CREB5: variants seen among roughly 807,000 people sequenced by gnomAD.
CREB5 encodes cAMP responsive element binding protein 5, also known as cyclic AMP-responsive element-binding protein 5.
Under a neutral mutation model 57.1 loss-of-function variants are expected in CREB5, and 19 were observed. That is an observed-to-expected ratio of 0.33 (90% CI 0.23 to 0.49). The LOEUF (loss-of-function observed/expected upper bound fraction) is 0.49, where lower values mean the gene tolerates loss of function less well. CREB5 is among the 20% of genes least tolerant of loss of function. The probability of loss-of-function intolerance (pLI) is 0.99; values close to 1 mark genes in which losing one functional copy is unlikely to be tolerated. For missense variants in CREB5, 579 were observed against 671.6 expected (o/e 0.86, Z 1.52); for synonymous variants, 238 against 238.3 (o/e 1.00, Z 0.01).
At chr7:28,430,898 A>C (rs902270642) in intron 1 of CREB5, among the ~76,000 whole-genome samples, 1 of 152,156 alleles carries the variant, frequency 6.6e-6, no homozygotes, top group Non-Finnish European at 1.5e-5. Context: ...AGTCACCTCA[A>C]ACCTCAGTGG....
chr7:28,380,466 G>A (rs1379477155), intron 1 of CREB5, among the ~76,000 whole-genome samples: 1 of 152,188 alleles, frequency 6.6e-6, no homozygotes, highest in Non-Finnish European at 1.5e-5. Flanking sequence ...CTAGATTGCT[G>A]CAAAGAAACA....
intron 7 of CREB5, among the ~76,000 whole-genome samples, chr7:28,793,122 C>T (rs749787307): frequency 1.1e-4 from 17 of 152,140 alleles, no homozygotes; most frequent in South Asian, 8.3e-4. Context: ...ACTCCTCCTC[C>T]CTCTGACCAC....
chr7:28,697,233 T>A (rs888093386), intron 5 of CREB5, among the ~76,000 whole-genome samples: 5 of 152,102 alleles, frequency 3.3e-5, no homozygotes, highest in African/African-American at 1.2e-4. Context: ...ATTGGCCCCC[T>A]AATGAAGTGC....
At chr7:28,513,276 G>A (rs142776546) in intron 4 of CREB5, among the ~76,000 whole-genome samples, 4 of 152,150 alleles carry the variant, frequency 2.6e-5, no homozygotes, top group East Asian at 1.9e-4. Flanking sequence ...GCACATTTCC[G>A]GTTATGCTAA....
At chr7:28,783,330 T>C (rs1176763817) in intron 7 of CREB5, among the ~76,000 whole-genome samples, 1 of 152,218 alleles carries the variant, frequency 6.6e-6, no homozygotes, top group Admixed American at 6.5e-5. Context: ...ATCATATTCT[T>C]ATATTAGATT....
intron 5 of CREB5, among the ~76,000 whole-genome samples, chr7:28,717,370 T>C (rs1221969910): frequency 6.6e-6 from 1 of 152,186 alleles, no homozygotes; most frequent in Non-Finnish European, 1.5e-5. Context: ...TTCTATGATG[T>C]GTGTGACTCT....
chr7:28,728,991 TCA>T, intron 7 of CREB5, among the ~76,000 whole-genome samples: 1 of 152,180 alleles, frequency 6.6e-6, no homozygotes, highest in East Asian at 1.9e-4. Flanking sequence ...GAGTTGAGCA[TCA>T]GTACTAAATG....
intron 4 of CREB5, among the ~76,000 whole-genome samples, chr7:28,564,211 C>T (rs1247839087): frequency 1.3e-5 from 2 of 152,208 alleles, no homozygotes. Context: ...TTGCACAACT[C>T]GTAAATGCGA....
rs1017239957 is a variant in CREB5 at position 28,822,710 on chromosome 7, A to G, written c.*3431A>G. On this transcript the variant is annotated 3_prime_UTR_variant, in exon 11 of 11. Coordinates refer to ENST00000357727, the MANE Select transcript of CREB5 (RefSeq NM_182898.4). ...TTCTATCAGGTAAACTGTCACTTAA[A>G]TGGAGGTGTCCACATCTTAATTGTT... 1.3e-5 allele frequency: 2 copies of G among 152,664 alleles called. No homozygotes were observed. Among genetic ancestry groups the G allele is most frequent in the African/African-American group, 4.8e-5 (2 of 41,460 alleles). The allele number at this position is 152,664 out of a possible 1,614,324, so 9.5% of individuals were successfully genotyped here. A position where few individuals can be genotyped will look rare whatever the true frequency, so the allele number is the denominator to read the frequency against.
At chr7:28,660,381 GTTTTTTTTTT>G (rs10696255) in intron 5 of CREB5, among the ~76,000 whole-genome samples, 1 of 119,260 alleles carries the variant, frequency 8.4e-6, no homozygotes, top group Admixed American at 9.0e-5. Flanking sequence ...GCATTCAACA[GTTTTTTTTTT>G]TTTTTTTTTT....
intron 7 of CREB5, among the ~76,000 whole-genome samples, chr7:28,755,649 GA>G (rs1583675319): frequency 6.6e-6 from 1 of 152,062 alleles, no homozygotes; most frequent in African/African-American, 2.4e-5. Context: ...ATAGTAATAA[GA>G]AAAAAACTTA....
intron 1 of CREB5, among the ~76,000 whole-genome samples, chr7:28,359,455 A>G (rs1277315107): frequency 6.6e-6 from 1 of 152,208 alleles, no homozygotes; most frequent in African/African-American, 2.4e-5. Context: ...AGATACCAAG[A>G]ACACACAATG....
chr7:28,576,586 A>G (rs758308793), intron 5 of CREB5, among the ~76,000 whole-genome samples: 1 of 152,188 alleles, frequency 6.6e-6, no homozygotes, highest in African/African-American at 2.4e-5. Flanking sequence ...ACAGTGTCAA[A>G]CACTTCATCC....
At chr7:28,699,351 G>A (rs1801730994) in intron 5 of CREB5, among the ~76,000 whole-genome samples, 1 of 152,090 alleles carries the variant, frequency 6.6e-6, no homozygotes. Flanking sequence ...CCAAGAAAAA[G>A]CTATCTTTAA....
Position 28,364,053 on chromosome 7 carries a change from AG to A in CREB5, c.-25+64613del, listed in dbSNP as rs544006070. On this transcript the variant is annotated intron_variant, in intron 1 of 9. Coordinates refer to the CREB5 transcript ENST00000396299. ...AAGTTTTAGTTAGTTGAAATGGATA[AG>A]TAAACATTTACCTAATTGCTTATTT... Among the ~76,000 whole-genome samples the A allele has an allele frequency of 3.1e-4, 47 of 152,348 alleles. No individual in the cohort carries two copies. In the East Asian group the frequency reaches 8.3e-3, roughly 27 times the overall value.
At chr7:28,775,278 T>C (rs1440429779) in intron 7 of CREB5, among the ~76,000 whole-genome samples, 1 of 152,130 alleles carries the variant, frequency 6.6e-6, no homozygotes, top group South Asian at 2.1e-4. Flanking sequence ...TCAGCTCAGA[T>C]ACCTCCTCCT....
chr7:28,637,818 G>A (rs1400787728), intron 5 of CREB5, among the ~76,000 whole-genome samples: 2 of 152,182 alleles, frequency 1.3e-5, no homozygotes, highest in Non-Finnish European at 2.9e-5. Flanking sequence ...TTTAAACAAT[G>A]CATTTATAGT....
chr7:28,513,018 G>A (rs566696246), intron 4 of CREB5, among the ~76,000 whole-genome samples: 2 of 152,220 alleles, frequency 1.3e-5, no homozygotes, highest in African/African-American at 2.4e-5. Context: ...ACAGAACAGG[G>A]CATGGTGGGG....
At chr7:28,331,092 A>G (rs1236451322) in intron 1 of CREB5, among the ~76,000 whole-genome samples, 1 of 152,140 alleles carries the variant, frequency 6.6e-6, no homozygotes, top group East Asian at 1.9e-4. Context: ...CATTTATTCA[A>G]TAATTGAGTT....
Sources: allele counts gnomAD v4.1 joint callset (sites outside exome capture counted in the v4.1 genomes callset), GRCh38; gene constraint gnomAD v4.1.1; transcripts MANE v1.5; gene names NCBI Gene and HGNC (gene_info 2026-07-23, HGNC 2026-07-21).